The following SERPINI1 variants were observed in gnomAD, a reference collection of about 807,000 sequenced individuals.
The protein encoded by SERPINI1 is neuroserpin.
Under a neutral mutation model 41.1 loss-of-function variants are expected in SERPINI1, and 19 were observed. That is an observed-to-expected ratio of 0.46 (90% CI 0.32 to 0.68). SERPINI1 has a LOEUF of 0.68. Among genes scored for constraint, SERPINI1 ranks in the 30% least tolerant of loss-of-function variants. The pLI is 0.03. For synonymous variants in SERPINI1, 138 were observed against 156.6 expected (o/e 0.88, Z 0.89); for missense variants, 460 against 479.2 (o/e 0.96, Z 0.37).
intron 4 of SERPINI1, among the ~76,000 whole-genome samples, chr3:167,793,221 C>G (rs531616628): frequency 6.6e-6 from 1 of 152,178 alleles, no homozygotes; most frequent in African/African-American, 2.4e-5. Context: ...TATGGCCAAA[C>G]ATAATTGTTT....
chr3:167,793,138 A>T (rs1050250389), intron 4 of SERPINI1, among the ~76,000 whole-genome samples: 4 of 152,204 alleles, frequency 2.6e-5, no homozygotes, highest in Non-Finnish European at 5.9e-5. Flanking sequence ...TAGGCTCTGC[A>T]CCACTTTTTA....
intron 1 of SERPINI1, among the ~76,000 whole-genome samples, chr3:167,772,175 G>A (rs1726778405): frequency 6.6e-6 from 1 of 152,120 alleles, no homozygotes; most frequent in Admixed American, 6.6e-5. Context: ...TGGAAGTTTG[G>A]TTCATTATAC....
At chr3:167,756,905 A>T (rs1361920284) in intron 1 of SERPINI1, among the ~76,000 whole-genome samples, 1 of 152,214 alleles carries the variant, frequency 6.6e-6, no homozygotes, top group Non-Finnish European at 1.5e-5. Context: ...TCGTTATGTC[A>T]CAAGTCTAAG....
chr3:167,772,905 C>T (rs1472105429), intron 1 of SERPINI1, among the ~76,000 whole-genome samples: 1,594 of 78,146 alleles, frequency 0.02, 84 homozygotes, highest in African/African-American at 0.12. Flanking sequence ...CACACACACA[C>T]ACACACACAC....
At chr3:167,759,401 T>C (rs1261081491) in intron 1 of SERPINI1, among the ~76,000 whole-genome samples, 3 of 84,822 alleles carry the variant, frequency 3.5e-5, no homozygotes, top group African/African-American at 2.8e-4. Context: ...GAAAATGTGG[T>C]ATATATATAT....
At chr3:167,803,389 C>T (rs1006687385) in intron 5 of SERPINI1, among the ~76,000 whole-genome samples, 2 of 152,138 alleles carry the variant, frequency 1.3e-5, no homozygotes, top group African/African-American at 4.8e-5. Context: ...ACACCAATTA[C>T]TACTGGAATG....
At chr3:167,793,596 A>ATATATATATATATATTTTT in intron 4 of SERPINI1, among the ~76,000 whole-genome samples, 1 of 140,610 alleles carries the variant, frequency 7.1e-6, no homozygotes, top group African/African-American at 2.7e-5. Flanking sequence ...ATATATATAT[A>ATATATATATATATATTTTT]TTTTTAATTA....
At chr3:167,773,502 T>C (rs953175678) in intron 1 of SERPINI1, among the ~76,000 whole-genome samples, 1 of 152,208 alleles carries the variant, frequency 6.6e-6, no homozygotes, top group African/African-American at 2.4e-5. Flanking sequence ...GCTGTTACTA[T>C]ATTATAAATG....
intron 1 of SERPINI1, among the ~76,000 whole-genome samples, chr3:167,749,774 T>C (rs1725986125): frequency 6.6e-6 from 1 of 152,232 alleles, no homozygotes; most frequent in African/African-American, 2.4e-5. Context: ...TTTAATTTAC[T>C]ATTGAATGCT....
At chr3:167,763,237 G>A (rs1256850164) in intron 1 of SERPINI1, among the ~76,000 whole-genome samples, 1 of 152,120 alleles carries the variant, frequency 6.6e-6, no homozygotes, top group Non-Finnish European at 1.5e-5. Context: ...AGAAAAAAAA[G>A]ATAAAAATCA....
chr3:167,768,480 A>G (rs2108543970), intron 1 of SERPINI1, among the ~76,000 whole-genome samples: 1 of 152,318 alleles, frequency 6.6e-6, no homozygotes, highest in Non-Finnish European at 1.5e-5. Flanking sequence ...TCGCTGAGGT[A>G]TGCCTGTACT....
chr3:167,738,457 T>G (rs1380559005), intron 1 of SERPINI1, among the ~76,000 whole-genome samples: 1 of 152,058 alleles, frequency 6.6e-6, no homozygotes, highest in African/African-American at 2.4e-5. Context: ...AGGTTCAAGA[T>G]CAAATGGTTT....
Position 167,787,432 on chromosome 3 carries a change from G to A in SERPINI1, c.-18-1679G>A, listed in dbSNP as rs34635941. On this transcript the variant is annotated intron_variant, in intron 1 of 8. Coordinates refer to ENST00000446050, the MANE Select transcript of SERPINI1 (RefSeq NM_001122752.2). Reference sequence around the variant, plus strand: ...AGGTTTGTTTAAACCTATCACATGCGTCACCACGAGTAAAGCTTCTGCCTT... The same window carrying A: ...AGGTTTGTTTAAACCTATCACATGCATCACCACGAGTAAAGCTTCTGCCTT... 3.0e-3 allele frequency among the ~76,000 whole-genome samples: 454 copies of A among 152,266 alleles called. 2 individuals carry two copies. The highest frequency in any genetic ancestry group is 1.0e-2 in the South Asian group (48 of 4,822).
chr3:167,799,700 A>G (rs1264906965), intron 5 of SERPINI1, among the ~76,000 whole-genome samples: 1 of 152,162 alleles, frequency 6.6e-6, no homozygotes, highest in Non-Finnish European at 1.5e-5. Context: ...CCTCTCCAGC[A>G]CCTGTTGTTT....
intron 5 of SERPINI1, among the ~76,000 whole-genome samples, chr3:167,799,003 C>T (rs144051682): frequency 1.3e-5 from 2 of 151,898 alleles, no homozygotes; most frequent in Non-Finnish European, 2.9e-5. Flanking sequence ...GTTTTTTTAG[C>T]TTTTTATTTT....
At position 167,740,856 on chromosome 3, in the gene SERPINI1, ACCTCC is replaced by A. The variant is rs1725656854; in HGVS notation, c.-19+5042_-19+5046del. 2.7e-5 allele frequency among the ~76,000 whole-genome samples: 4 copies of A among 150,094 alleles called. No individual in the cohort carries two copies. The South Asian group carries it at 6.4e-4, about 24-fold the overall frequency. On this transcript the variant is annotated intron_variant, in intron 1 of 8. Coordinates refer to ENST00000446050, the MANE Select transcript of SERPINI1 (RefSeq NM_001122752.2). ...ATTTAAAGATGTGCTTTTATGTAAT[ACCTCC>A]CCTCCCCTACACGATTTCCATTACT...
At chr3:167,783,607 T>A (rs1426685476) in intron 1 of SERPINI1, among the ~76,000 whole-genome samples, 1 of 151,996 alleles carries the variant, frequency 6.6e-6, no homozygotes, top group Non-Finnish European at 1.5e-5. Context: ...CAGGACTAGA[T>A]CTGTGGAGAA....
At chr3:167,809,923 A>T (rs1711807486) in intron 6 of SERPINI1, among the ~76,000 whole-genome samples, 1 of 152,152 alleles carries the variant, frequency 6.6e-6, no homozygotes, top group Non-Finnish European at 1.5e-5. Flanking sequence ...AGATCACTTG[A>T]TAAAAGATCT....
chr3:167,772,253 T>G (rs1171636582), intron 1 of SERPINI1, among the ~76,000 whole-genome samples: 1 of 152,176 alleles, frequency 6.6e-6, no homozygotes, highest in Non-Finnish European at 1.5e-5. Context: ...CAAAGATATA[T>G]TTTATGGGAG....
Sources: gnomAD v4.1 joint callset for allele counts (sites outside exome capture counted in the v4.1 genomes callset) on GRCh38, gnomAD v4.1.1 for gene constraint, MANE v1.5 for transcripts, NCBI Gene and HGNC (gene_info 2026-07-23, HGNC 2026-07-21) for gene names.